Variants in RIOX2 observed in about 807,000 individuals in gnomAD.
The protein encoded by RIOX2 is ribosomal oxygenase 2, also known as 60S ribosomal protein L27a histidine hydroxylase.
In RIOX2, 43 loss-of-function variants were observed where a neutral mutation model predicts 51.2. That is an observed-to-expected ratio of 0.84 (90% CI 0.66 to 1.08). The LOEUF is 1.08. Among genes scored for constraint, RIOX2 ranks in the 50% least tolerant of loss-of-function variants. The pLI is 0.00. For synonymous variants in RIOX2, 226 were observed against 218.5 expected, an observed-to-expected ratio of 1.03 and a Z score of -0.30; for missense variants, 566 against 561.7, an observed-to-expected ratio of 1.01 and a Z score of -0.08.
At chr3:97,970,848 T>C (rs1379220511) in intron 1 of RIOX2, among the ~76,000 whole-genome samples, 1 of 152,230 alleles carries the variant, frequency 6.6e-6, no homozygotes, top group Non-Finnish European at 1.5e-5. Context: ...ACAGTCACTA[T>C]ATTTTAAAGG....
At chr3:97,958,082 A>T (rs1396760996) in intron 4 of RIOX2, among the ~76,000 whole-genome samples, 2 of 152,210 alleles carry the variant, frequency 1.3e-5, no homozygotes, top group Non-Finnish European at 2.9e-5. Context: ...TTATTGATTT[A>T]AGTCTCCTGT....
intron 2 of RIOX2, among the ~76,000 whole-genome samples, chr3:97,964,614 T>A (rs1214124846): frequency 1.0e-4 from 15 of 149,818 alleles, no homozygotes; most frequent in Non-Finnish European, 1.5e-5. Flanking sequence ...GGAGAATTGC[T>A]TGAACCCAGG....
chr3:97,964,828 GC>G (rs1422314590), intron 2 of RIOX2, among the ~76,000 whole-genome samples: 2 of 142,610 alleles, frequency 1.4e-5, no homozygotes, highest in African/African-American at 4.9e-5. Context: ...ACTCTAGCCT[GC>G]TAAGCAAAAT....
At chr3:97,965,593 A>C (rs1705859747) in intron 2 of RIOX2, among the ~76,000 whole-genome samples, 1 of 152,220 alleles carries the variant, frequency 6.6e-6, no homozygotes, top group Admixed American at 6.5e-5. Context: ...CTGCTTTAAT[A>C]AACTCAGCCA....
At chr3:97,945,922 C>T (rs1425899671) in intron 8 of RIOX2, 35 bp from the exon 9 acceptor site, 1 of 1,437,630 alleles carries the variant, frequency 7.0e-7, no homozygotes, top group Non-Finnish European at 9.8e-7. Context: ...AGGCCATCAA[C>T]AACACAACAC....
chr3:97,957,413 T>C (rs1387362768), intron 4 of RIOX2, among the ~76,000 whole-genome samples: 2 of 151,614 alleles, frequency 1.3e-5, no homozygotes, highest in Non-Finnish European at 2.9e-5. Flanking sequence ...GGAGAATTGC[T>C]TGAACCCGGG....
intron 5 of RIOX2, chr3:97,954,178 A>G (rs1705369440): frequency 1.9e-6 from 1 of 518,544 alleles, no homozygotes; most frequent in South Asian, 2.6e-5. Flanking sequence ...CCCACATCCT[A>G]CAGAGTCAGG....
intron 4 of RIOX2, among the ~76,000 whole-genome samples, chr3:97,958,047 C>A (rs991188366): frequency 6.6e-6 from 1 of 152,222 alleles, no homozygotes; most frequent in South Asian, 2.1e-4. Context: ...ATAAAAAAAA[C>A]CAGTAAGGTT....
chr3:97,953,466 A>T (rs1475217146), intron 5 of RIOX2, among the ~76,000 whole-genome samples: 1 of 151,038 alleles, frequency 6.6e-6, no homozygotes, highest in Non-Finnish European at 1.5e-5. Flanking sequence ...TGCAACCTCC[A>T]CCTCCTGTGT....
At chr3:97,965,310 G>A (rs1252454915) in intron 2 of RIOX2, among the ~76,000 whole-genome samples, 1 of 151,016 alleles carries the variant, frequency 6.6e-6, no homozygotes, top group African/African-American at 2.4e-5. Context: ...GCAGAAGTTC[G>A]AGACCAGCCT....
At position 97,941,871 on chromosome 3, in the gene RIOX2, T is replaced by C. The variant is rs2040237796; in HGVS notation, c.*3313A>G. 6.5e-6 allele frequency: 1 copy of C among 154,516 alleles called. No individual in the cohort carries two copies. Among genetic ancestry groups the C allele is most frequent in the Non-Finnish European group, 1.4e-5 (1 of 69,818 alleles). 9.6% of individuals were successfully genotyped at this position (154,516 alleles called of 1,614,324 possible). On this transcript the variant is annotated 3_prime_UTR_variant, in exon 10 of 10. Coordinates refer to ENST00000394198, the MANE Select transcript of RIOX2 (RefSeq NM_153182.4). ...CCAATGGATTATCTACTTTTTCTCA[T>C]GCTTCAAAAATGAAAAACTTTTAAA... is the stretch of plus-strand genomic sequence containing the variant.
At chr3:97,957,580 A>T (rs1705498414) in intron 4 of RIOX2, among the ~76,000 whole-genome samples, 1 of 151,702 alleles carries the variant, frequency 6.6e-6, no homozygotes, top group Non-Finnish European at 1.5e-5. Flanking sequence ...TGTCCAGGAG[A>T]CTCAGTGCAT....
rs1705562412 is a variant in RIOX2 at position 97,959,046 on chromosome 3, C to T, written c.681+5G>A. The T allele has an allele frequency of 1.2e-6, 2 of 1,608,012 alleles. No individual in the cohort carries two copies. Among genetic ancestry groups the T allele is most frequent in the Middle Eastern group, 1.7e-4 (1 of 6,028 alleles). Reference sequence around the variant, plus strand: ...AATGAGGTGCCCACAACGGTTATCACATACCTTCAGCATAAACTCATGCAC... The same window carrying T: ...AATGAGGTGCCCACAACGGTTATCATATACCTTCAGCATAAACTCATGCAC... On this transcript the variant is annotated splice_donor_5th_base_variant and intron_variant, in intron 4 of 9. Transcript: ENST00000394198.
intron 3 of RIOX2, among the ~76,000 whole-genome samples, 190 bp from the exon 4 acceptor site, chr3:97,959,369 AGT>A (rs1463520387): frequency 7.7e-6 from 1 of 129,180 alleles, no homozygotes; most frequent in Non-Finnish European, 1.6e-5. Flanking sequence ...GCCAGGCTGG[AGT>A]GCAGTGTCAC....
chr3:97,969,390 T>A, intron 1 of RIOX2, among the ~76,000 whole-genome samples: 1 of 152,076 alleles, frequency 6.6e-6, no homozygotes. Flanking sequence ...GATGGAGAAA[T>A]ACAAAGAGAT....
intron 8 of RIOX2, 124 bp from the exon 9 acceptor site, chr3:97,946,011 A>T: frequency 1.5e-6 from 1 of 663,500 alleles, no homozygotes; most frequent in Non-Finnish European, 2.6e-6. Flanking sequence ...CTCAAGTGAA[A>T]TTTATTGAAT....
At chr3:97,952,173 G>A in intron 5 of RIOX2, 2 of 1,289,438 alleles carry the variant, frequency 1.6e-6, no homozygotes, top group East Asian at 5.5e-5. Context: ...ACCTGAAGGA[G>A]CATTAGGCTC....
intron 8 of RIOX2, 116 bp from the exon 9 acceptor site, chr3:97,946,003 C>A (rs2040348618): frequency 2.9e-6 from 2 of 691,086 alleles, no homozygotes; most frequent in Non-Finnish European, 5.0e-6. Flanking sequence ...CCTTGGTGCT[C>A]AAGTGAAATT....
At position 97,954,494 on chromosome 3, in the gene RIOX2, G is replaced by T. The variant is rs747466412; in HGVS notation, c.683C>A (p.Pro228Gln). Residue 228 changes from proline (P) to glutamine (Q), a missense_variant and splice_region_variant, in exon 5 of 10, where the codon CCG becomes CAG. Coordinates refer to ENST00000394198, the MANE Select transcript of RIOX2 (RefSeq NM_153182.4). Reference sequence around the variant, plus strand: ...TCTGGGAAAGTACAACAAATCACCCGGCTAAAGGAAGGAATAGGAAAGGGT... The same window carrying T: ...TCTGGGAAAGTACAACAAATCACCCTGCTAAAGGAAGGAATAGGAAAGGGT... ...GRPVHEFMLK[P>Q]GDLLYFPRGT... 2 of 1,613,268 alleles carry T rather than the reference G, an allele frequency of 1.2e-6. No homozygotes were observed. The highest frequency in any genetic ancestry group is 2.7e-5 in the African/African-American group (2 of 74,886).
Sources: allele counts gnomAD v4.1 joint callset (sites outside exome capture counted in the v4.1 genomes callset), GRCh38; gene constraint gnomAD v4.1.1; transcripts MANE v1.5; gene names NCBI Gene and HGNC (gene_info 2026-07-23, HGNC 2026-07-21).